GBF1: variants seen among roughly 807,000 people sequenced by gnomAD.
GBF1 encodes golgi brefeldin A resistant guanine nucleotide exchange factor 1, also known as Golgi-specific brefeldin A-resistance guanine nucleotide exchange factor 1.
GBF1 carries 114 observed loss-of-function variants against 210.5 expected under a neutral mutation model. That is an observed-to-expected ratio of 0.54 (90% confidence interval 0.47 to 0.63). GBF1 has a LOEUF of 0.63. Among genes scored for constraint, GBF1 ranks in the 30% least tolerant of loss-of-function variants. The pLI, the probability that GBF1 is intolerant of heterozygous loss-of-function variation, is 0.00. For synonymous variants in GBF1, 850 were observed against 889.2 expected (o/e 0.96, Z 0.78); for missense variants, 1,851 against 2,357.7 (o/e 0.79, Z 4.45).
At chr10:102,326,749 A>G (rs1402637997) in intron 3 of GBF1, among the ~76,000 whole-genome samples, 1 of 152,200 alleles carries the variant, frequency 6.6e-6, no homozygotes, top group African/African-American at 2.4e-5. Flanking sequence ...TTTGGATTTC[A>G]TATAAATGGA....
At chr10:102,313,708 C>G (rs1172997951) in intron 3 of GBF1, among the ~76,000 whole-genome samples, 1 of 152,160 alleles carries the variant, frequency 6.6e-6, no homozygotes, top group Non-Finnish European at 1.5e-5. Context: ...ATGATATAGT[C>G]ATTAGGTGAC....
chr10:102,233,492 C>T, the GBF1 span, among the ~76,000 whole-genome samples: 4 of 151,846 alleles, frequency 2.6e-5, no homozygotes, highest in Admixed American at 6.6e-5. Context: ...TTAGTAGAGA[C>T]GGGGTTTCAC....
At chr10:102,335,204 G>A (rs1419696594) in intron 3 of GBF1, among the ~76,000 whole-genome samples, 1 of 152,154 alleles carries the variant, frequency 6.6e-6, no homozygotes, top group East Asian at 1.9e-4. Flanking sequence ...TCTCCAATGG[G>A]GGGTTAGATT....
Position 102,362,540 on chromosome 10 carries a change from A to G in GBF1, c.1752A>G (p.Thr584=), listed in dbSNP as rs2059677200. The G allele has an allele frequency of 6.2e-7, 1 of 1,613,968 alleles. No individual in the cohort carries two copies. Among genetic ancestry groups the G allele is most frequent in the East Asian group, 2.2e-5 (1 of 44,884 alleles). The change falls in exon 15 of 40, where the codon ACA becomes ACG. Residue 584 remains threonine, a synonymous_variant. Coordinates refer to ENST00000369983, the MANE Select transcript of GBF1 (RefSeq NM_001377137.1). ...TACTATCTCTTGATGCCCTATTGAC[A>G]GTGATTGACAGCACCGAGGCCCACT... ...THLLSLDALL[T]VIDSTEAHCQ...
chr10:102,307,634 C>G (rs542892375), intron 3 of GBF1, among the ~76,000 whole-genome samples: 1 of 151,860 alleles, frequency 6.6e-6, no homozygotes, highest in South Asian at 2.1e-4. Context: ...ACTAAAAATA[C>G]AAAAAAATTA....
chr10:102,339,713 G>A (rs916711820), intron 3 of GBF1, among the ~76,000 whole-genome samples: 3 of 151,986 alleles, frequency 2.0e-5, no homozygotes, highest in African/African-American at 7.3e-5. Context: ...ACACAGTGTC[G>A]TGTTGTCAGA....
At chr10:102,375,720 T>TCCAGTGCCC in intron 30 of GBF1, 136 bp downstream of exon 30, 2 of 634,758 alleles carry the variant, frequency 3.2e-6, no homozygotes, top group East Asian at 5.5e-5. Context: ...TTCCAGAGCT[T>TCCAGTGCCC]CCAGTGCCCG....
At chr10:102,380,985 A>G in intron 38 of GBF1, 142 bp from the exon 39 acceptor site, 1 of 747,012 alleles carries the variant, frequency 1.3e-6, no homozygotes, top group Admixed American at 2.4e-5. Context: ...ACAGAACGAG[A>G]TTCCATCTCA....
chr10:102,295,919 C>T (rs2076870956), intron 3 of GBF1, among the ~76,000 whole-genome samples: 1 of 152,000 alleles, frequency 6.6e-6, no homozygotes. Flanking sequence ...TTGGCATATT[C>T]TGTTAAGTTT....
chr10:102,259,736 T>G (rs1422916951), intron 2 of GBF1, among the ~76,000 whole-genome samples: 3 of 152,124 alleles, frequency 2.0e-5, no homozygotes, highest in African/African-American at 4.8e-5. Flanking sequence ...GATGACATAG[T>G]GGGTATGAAA....
chr10:102,371,975 T>TG (rs1173140709), intron 29 of GBF1, among the ~76,000 whole-genome samples: 2 of 150,244 alleles, frequency 1.3e-5, no homozygotes, highest in African/African-American at 2.5e-5. Flanking sequence ...CTGTCCACTT[T>TG]GGGGGGCTGA....
chr10:102,251,507 T>C (rs556780450), intron 1 of GBF1, among the ~76,000 whole-genome samples: 3 of 152,310 alleles, frequency 2.0e-5, no homozygotes, highest in South Asian at 4.1e-4. Flanking sequence ...ATGGTGGTGA[T>C]ACACTAAATA....
Position 102,368,732 on chromosome 10 carries a change from A to G in GBF1, c.2880-7A>G, listed in dbSNP as rs1354180727. 3 of 1,605,280 alleles carry G rather than the reference A, an allele frequency of 1.9e-6. No individual in the cohort carries two copies. Among genetic ancestry groups the G allele is most frequent in the Non-Finnish European group, 2.6e-6 (3 of 1,172,216 alleles). ...CTCTGTTTCTGGGATGGGGGGTAAC[A>G]TTACAGGAAGTGCGCCATGATCTCC... On this transcript the variant is annotated splice_polypyrimidine_tract_variant and splice_region_variant and intron_variant, in intron 22 of 39. Transcript: ENST00000369983.
In GBF1 at chr10:102,352,505, C is replaced by G. The variant is rs1252626297; in HGVS notation, c.571C>G (p.Leu191Val). ...AEHTLVDMVQ[L>V]LFTRLPQFKE... The stretch of plus-strand genomic sequence containing the variant: ...GCACACTCTCGTAGACATGGTGCAG[C>G]TGCTCTTCACAAGGTAAACCTGCTG... The change falls in exon 7 of 40, where the codon CTG (leucine) becomes GTG (valine). Residue 191 changes from leucine (L) to valine (V), a missense_variant. Leu to Val is a conservative substitution (Grantham distance 32). Coordinates refer to ENST00000369983, the MANE Select transcript of GBF1 (RefSeq NM_001377137.1). 6.2e-7 allele frequency: 1 copy of G among 1,610,106 alleles called. No homozygotes were observed. Among genetic ancestry groups the G allele is most frequent in the Non-Finnish European group, 8.5e-7 (1 of 1,176,440 alleles).
the GBF1 span, chr10:102,230,921 T>G: frequency 6.2e-7 from 1 of 1,612,020 alleles, no homozygotes; most frequent in Admixed American, 1.7e-5. Flanking sequence ...GGAAAGGTCT[T>G]GGCGGCGAGC....
Position 102,366,361 on chromosome 10 carries a change from T to C in GBF1, c.2310-22T>C. ...GTGCAGCTTACACATTTTCAGCCTC[T>C]TCTTCCTTTCTTTCCCTATAGCACC... On this transcript the variant is annotated intron_variant, in intron 18 of 39. Coordinates refer to ENST00000369983, the MANE Select transcript of GBF1 (RefSeq NM_001377137.1). The surrounding 1 kb of genome is among the most constrained non-coding windows in gnomAD (Gnocchi z 4.0). 1.9e-6 allele frequency: 3 copies of C among 1,613,718 alleles called. No homozygotes were observed. The highest frequency in any genetic ancestry group is 1.1e-5 in the South Asian group (1 of 91,078).
At chr10:102,271,477 A>G (rs1329917831) in intron 3 of GBF1, among the ~76,000 whole-genome samples, 1 of 149,902 alleles carries the variant, frequency 6.7e-6, no homozygotes, top group Non-Finnish European at 1.5e-5. Context: ...GAGCCACTGC[A>G]CCTGGCCCTA....
intron 3 of GBF1, among the ~76,000 whole-genome samples, chr10:102,284,378 C>G (rs2075766118): frequency 6.6e-6 from 1 of 152,036 alleles, no homozygotes; most frequent in Non-Finnish European, 1.5e-5. Flanking sequence ...TTTCATCGCC[C>G]CAAAAGGAAA....
At chr10:102,337,194 C>T (rs1435739131) in intron 3 of GBF1, among the ~76,000 whole-genome samples, 2 of 151,528 alleles carry the variant, frequency 1.3e-5, no homozygotes, top group Admixed American at 6.6e-5. Flanking sequence ...CTGGCTAACG[C>T]GGCGAAACCC....
Sources: gnomAD v4.1 joint callset for allele counts (sites outside exome capture counted in the v4.1 genomes callset) on GRCh38, gnomAD v4.1.1 for gene constraint, Gnocchi (gnomAD v3.1) non-coding constraint, MANE v1.5 for transcripts, NCBI Gene and HGNC (gene_info 2026-07-23, HGNC 2026-07-21) for gene names.